Variants in SCG5 observed in about 807,000 individuals in gnomAD.
SCG5 encodes the protein neuroendocrine protein 7B2.
SCG5 carries 18 observed loss-of-function variants against 25.7 expected under a neutral mutation model. The ratio of observed to expected loss-of-function variants is 0.70; its 90% CI spans 0.48 to 1.04. The LOEUF is 1.04. Ranked by LOEUF, SCG5 falls within the 50% of genes least tolerant of loss-of-function variation. The probability of loss-of-function intolerance (pLI) is 0.00; values close to 1 mark genes in which losing one functional copy is unlikely to be tolerated. For synonymous variants in SCG5, 101 were observed against 91.7 expected, an observed-to-expected ratio of 1.10 and a Z score of -0.58; for missense variants, 206 against 259.8, an observed-to-expected ratio of 0.79 and a Z score of 1.42.
chr15:32,663,662 T>C (rs1004332450), intron 2 of SCG5, among the ~76,000 whole-genome samples: 20 of 152,164 alleles, frequency 1.3e-4, no homozygotes, highest in African/African-American at 4.6e-4. Context: ...AATTCAAATA[T>C]GGTAGTTCCA....
intron 2 of SCG5, 98 bp downstream of exon 2, chr15:32,643,916 TATC>T (rs1468417926): frequency 1.9e-6 from 2 of 1,033,226 alleles, no homozygotes; most frequent in Non-Finnish European, 2.8e-6. Context: ...ATGCCTTTAT[TATC>T]CTATTTTTTT....
chr15:32,648,687 C>T (rs570587585), intron 2 of SCG5, among the ~76,000 whole-genome samples: 1 of 151,734 alleles, frequency 6.6e-6, no homozygotes, highest in African/African-American at 2.4e-5. Flanking sequence ...CCTTGTGTAG[C>T]GAGTTTCAAA....
At chr15:32,673,624 T>C (rs1395896188) in intron 2 of SCG5, among the ~76,000 whole-genome samples, 2 of 151,618 alleles carry the variant, frequency 1.3e-5, no homozygotes, top group Non-Finnish European at 2.9e-5. Context: ...CTCAATTTAT[T>C]GTATTTCATT....
intron 2 of SCG5, among the ~76,000 whole-genome samples, chr15:32,676,326 G>A (rs907749527): frequency 1.3e-5 from 2 of 152,208 alleles, no homozygotes; most frequent in African/African-American, 4.8e-5. Flanking sequence ...GTGCACAGAG[G>A]TAAACGGAGC....
chr15:32,673,727 A>G (rs1444188213), intron 2 of SCG5, among the ~76,000 whole-genome samples: 1 of 152,010 alleles, frequency 6.6e-6, no homozygotes. Flanking sequence ...ACCATTTAAT[A>G]TAGGTTTGTT....
At chr15:32,643,142 T>C (rs565566263) in intron 1 of SCG5, among the ~76,000 whole-genome samples, 1 of 152,366 alleles carries the variant, frequency 6.6e-6, no homozygotes, top group East Asian at 1.9e-4. Context: ...TGTGTCTTCC[T>C]GACTCCCTCC....
intron 2 of SCG5, among the ~76,000 whole-genome samples, chr15:32,666,102 A>C (rs1317675593): frequency 6.6e-6 from 1 of 152,228 alleles, no homozygotes; most frequent in African/African-American, 2.4e-5. Context: ...ACAATAAACA[A>C]ATAGGTCTTC....
chr15:32,651,958 G>A (rs1215170278), intron 2 of SCG5, among the ~76,000 whole-genome samples: 1 of 152,156 alleles, frequency 6.6e-6, no homozygotes, highest in Non-Finnish European at 1.5e-5. Flanking sequence ...TGTAGGGGTG[G>A]ATGGGGTCAC....
chr15:32,669,616 C>T (rs749426338), intron 2 of SCG5, among the ~76,000 whole-genome samples: 4 of 152,140 alleles, frequency 2.6e-5, no homozygotes, highest in Admixed American at 6.5e-5. Context: ...TCATTTCAGA[C>T]GGCAAATAAA....
At position 32,660,266 on chromosome 15, in the gene SCG5, G is replaced by A. The variant is rs184930705; in HGVS notation, c.226+16448G>A. Among the ~76,000 whole-genome samples, 11 of 152,278 alleles carry A rather than the reference G, an allele frequency of 7.2e-5. No individual in the cohort carries two copies. The East Asian group carries it at 2.1e-3, about 30-fold the overall frequency. ...CCTGCAGGCAGGGAGTGGTCAGCTTGCTCTCAGCTTGCCAGATCCGTGACT... is the reference window on the plus strand; with the variant it reads ...CCTGCAGGCAGGGAGTGGTCAGCTTACTCTCAGCTTGCCAGATCCGTGACT... On this transcript the variant is annotated intron_variant, in intron 2 of 5. Transcript: ENST00000300175.
chr15:32,656,775 C>A (rs77279676), intron 2 of SCG5, among the ~76,000 whole-genome samples: 2,790 of 152,284 alleles, frequency 0.018, 78 homozygotes, highest in African/African-American at 0.064. Flanking sequence ...CACCACAGTT[C>A]GTAAAGAGAA....
chr15:32,690,291 C>G (rs1237668582), intron 4 of SCG5, among the ~76,000 whole-genome samples: 1 of 152,246 alleles, frequency 6.6e-6, no homozygotes, highest in African/African-American at 2.4e-5. Flanking sequence ...CCAGCTCAGG[C>G]AGCTGAAAAC....
intron 5 of SCG5, among the ~76,000 whole-genome samples, chr15:32,692,876 A>G (rs1446737567): frequency 6.6e-6 from 1 of 152,166 alleles, no homozygotes; most frequent in Non-Finnish European, 1.5e-5. Flanking sequence ...CTGCCTGACA[A>G]AACACAGAAG....
intron 2 of SCG5, among the ~76,000 whole-genome samples, chr15:32,652,767 C>T (rs564728311): frequency 2.6e-5 from 4 of 152,202 alleles, no homozygotes; most frequent in Non-Finnish European, 5.9e-5. Context: ...TACATTTATA[C>T]ACCTCACTGA....
At chr15:32,642,808 G>A (rs1477561997) in intron 1 of SCG5, among the ~76,000 whole-genome samples, 1 of 152,058 alleles carries the variant, frequency 6.6e-6, no homozygotes, top group Non-Finnish European at 1.5e-5. Context: ...GGCAATGTTA[G>A]CAACATAATA....
intron 4 of SCG5, among the ~76,000 whole-genome samples, chr15:32,686,924 A>G (rs1221497013): frequency 6.6e-6 from 1 of 152,204 alleles, no homozygotes; most frequent in East Asian, 1.9e-4. Flanking sequence ...GATGGAAGAC[A>G]AGGGTAGAGG....
intron 2 of SCG5, among the ~76,000 whole-genome samples, chr15:32,662,234 G>A (rs1472431515): frequency 6.6e-6 from 1 of 152,070 alleles, no homozygotes; most frequent in African/African-American, 2.4e-5. Flanking sequence ...AAGAATAATT[G>A]GGTCAAGCTC....
chr15:32,661,812 T>C (rs970390874), intron 2 of SCG5, among the ~76,000 whole-genome samples: 5 of 152,186 alleles, frequency 3.3e-5, no homozygotes, highest in Non-Finnish European at 7.3e-5. Flanking sequence ...TTTTTTCTTA[T>C]GAAGATAATA....
chr15:32,657,199 G>GTGTATA (rs2054131495), intron 2 of SCG5, among the ~76,000 whole-genome samples: 1 of 6,674 alleles, frequency 1.5e-4, no homozygotes, highest in African/African-American at 5.1e-4. Context: ...TCATCCTCCT[G>GTGTATA]TATATATATA....
Sources: allele counts gnomAD v4.1 joint callset (sites outside exome capture counted in the v4.1 genomes callset), GRCh38; gene constraint gnomAD v4.1.1; transcripts MANE v1.5; gene names NCBI Gene and HGNC (gene_info 2026-07-23, HGNC 2026-07-21).